The following MBOAT2 variants were observed in gnomAD, a reference collection of about 807,000 sequenced individuals.
The protein encoded by MBOAT2 is membrane-bound glycerophospholipid O-acyltransferase 2.
A neutral mutation model predicts 63.4 loss-of-function variants in MBOAT2; 28 were observed. The observed-to-expected ratio is 0.44, with a 90% CI of 0.33 to 0.61. The LOEUF (loss-of-function observed/expected upper bound fraction) is 0.61, where lower values mean the gene tolerates loss of function less well. MBOAT2 is among the 20% of genes least tolerant of loss of function. The probability of loss-of-function intolerance (pLI) is 0.03; values close to 1 mark genes in which losing one functional copy is unlikely to be tolerated. For missense variants in MBOAT2, 470 were observed against 605.8 expected, an observed-to-expected ratio of 0.78 and a Z score of 2.35; for synonymous variants, 211 against 215.6, an observed-to-expected ratio of 0.98 and a Z score of 0.19.
chr2:8,875,213 T>C (rs1662621931), intron 7 of MBOAT2, among the ~76,000 whole-genome samples: 1 of 152,188 alleles, frequency 6.6e-6, no homozygotes, highest in African/African-American at 2.4e-5. Context: ...AAATGCCCCT[T>C]GAGGGACTTA....
At chr2:8,976,205 A>C (rs954584232) in intron 1 of MBOAT2, among the ~76,000 whole-genome samples, 2 of 152,154 alleles carry the variant, frequency 1.3e-5, no homozygotes, top group African/African-American at 4.8e-5. Flanking sequence ...GCATGGAAAC[A>C]GAAGCAGAAA....
chr2:8,883,212 T>G (rs1056859372), intron 5 of MBOAT2, among the ~76,000 whole-genome samples: 10 of 152,080 alleles, frequency 6.6e-5, no homozygotes, highest in Non-Finnish European at 1.5e-4. Flanking sequence ...AGTAAAGTAG[T>G]AATATTCCCC....
intron 3 of MBOAT2, among the ~76,000 whole-genome samples, chr2:8,938,405 C>A (rs1307627212): frequency 1.3e-5 from 2 of 152,138 alleles, no homozygotes; most frequent in Admixed American, 1.3e-4. Context: ...TACACACTCA[C>A]ACCTCACCAC....
intron 1 of MBOAT2, among the ~76,000 whole-genome samples, chr2:8,982,835 A>C (rs1671294699): frequency 6.6e-6 from 1 of 152,192 alleles, no homozygotes; most frequent in African/African-American, 2.4e-5. Context: ...TTCCTTCCTC[A>C]TCAGAACACA....
chr2:8,924,402 T>C (rs574755436), intron 3 of MBOAT2, among the ~76,000 whole-genome samples: 1 of 152,280 alleles, frequency 6.6e-6, no homozygotes, highest in East Asian at 1.9e-4. Context: ...CAATAAAAAC[T>C]CTGCTGTTCT....
rs1283438749 is a variant in MBOAT2 at position 8,979,308 on chromosome 2, T to A, written c.76-20666A>T. On this transcript the variant is annotated intron_variant, in intron 1 of 12. Transcript: ENST00000305997. Reference sequence around the variant, plus strand: ...ACCAATAATCACTTACATAATACACTATCTAAATGAACCAATTTAGGCATT... The same window carrying A: ...ACCAATAATCACTTACATAATACACAATCTAAATGAACCAATTTAGGCATT... Among the ~76,000 whole-genome samples the A allele has an allele frequency of 6.6e-5, 10 of 152,210 alleles. No homozygotes were observed. The East Asian group carries it at 1.9e-3, about 29-fold the overall frequency.
intron 1 of MBOAT2, among the ~76,000 whole-genome samples, chr2:8,975,467 T>C (rs1232213972): frequency 6.6e-6 from 1 of 152,090 alleles, no homozygotes; most frequent in Non-Finnish European, 1.5e-5. Flanking sequence ...CCTGGCTCTA[T>C]CTGTGCCTTT....
intron 4 of MBOAT2, among the ~76,000 whole-genome samples, chr2:8,904,163 C>T (rs540416874): frequency 2.6e-5 from 4 of 151,898 alleles, no homozygotes; most frequent in East Asian, 3.9e-4. Flanking sequence ...TTAGTAGAGA[C>T]GAGTTTTGCC....
intron 1 of MBOAT2, among the ~76,000 whole-genome samples, chr2:8,998,109 T>C (rs184767151): frequency 6.6e-6 from 1 of 152,334 alleles, no homozygotes; most frequent in Non-Finnish European, 1.5e-5. Context: ...TCATGGAATT[T>C]TAAAACTAAG....
Position 8,862,418 on chromosome 2 carries a change from C to A in MBOAT2, c.1185+172G>T. 1 of 1,328,452 alleles carries A rather than the reference C, an allele frequency of 7.5e-7. No individual in the cohort carries two copies. Among genetic ancestry groups the A allele is most frequent in the Non-Finnish European group, 1.0e-6 (1 of 979,658 alleles). The allele number at this position is 1,328,452 out of a possible 1,614,324, so 82.3% of individuals were successfully genotyped here. On this transcript the variant is annotated intron_variant, in intron 11 of 12. Coordinates refer to ENST00000305997, the MANE Select transcript of MBOAT2 (RefSeq NM_138799.4). The surrounding 1 kb of genome is among the most constrained non-coding windows in gnomAD (Gnocchi z 4.3). ...ACAGGAACTGGGCATGGAGCCTAGC[C>A]CGTGGTGAGCGCTCAGCAAACATGC...
intron 1 of MBOAT2, among the ~76,000 whole-genome samples, chr2:8,997,356 T>A (rs1172664898): frequency 6.6e-6 from 1 of 152,072 alleles, no homozygotes; most frequent in Non-Finnish European, 1.5e-5. Context: ...ACAGAGGCAG[T>A]AACAACATAG....
chr2:8,991,312 A>T (rs1207282396), intron 1 of MBOAT2, among the ~76,000 whole-genome samples: 1 of 152,208 alleles, frequency 6.6e-6, no homozygotes, highest in East Asian at 1.9e-4. Flanking sequence ...TAGCCTTGAC[A>T]ATGTAAACCA....
intron 5 of MBOAT2, among the ~76,000 whole-genome samples, chr2:8,884,402 TA>T (rs1269546135): frequency 2.0e-5 from 3 of 151,352 alleles, no homozygotes; most frequent in Non-Finnish European, 4.4e-5. Flanking sequence ...TATCAGGATT[TA>T]AACCCCAAAA....
rs1245916996 is a variant in MBOAT2, at chr2:8,854,877, C to G, written c.*3802G>C. 3.3e-5 allele frequency: 5 copies of G among 152,126 alleles called. No homozygotes were observed. The highest frequency in any genetic ancestry group is 1.9e-4 in the East Asian group (1 of 5,198). 9.4% of individuals were successfully genotyped at this position (152,126 alleles called of 1,614,324 possible). Reference sequence around the variant, plus strand: ...ATATGCTTTAAATATCCTTGAATAACTTTGAGATGTTATATAGTGGTAAAC... The same window carrying G: ...ATATGCTTTAAATATCCTTGAATAAGTTTGAGATGTTATATAGTGGTAAAC... On this transcript the variant is annotated 3_prime_UTR_variant, in exon 13 of 13. Transcript: ENST00000305997.
rs1321526179 is a variant in MBOAT2, at chr2:8,855,726, ACT to A, written c.*2951_*2952del. 3 of 152,112 alleles carry A rather than the reference ACT, an allele frequency of 2.0e-5. No homozygotes were observed. The highest frequency in any genetic ancestry group is 4.4e-5 in the Non-Finnish European group (3 of 68,034). 9.4% of individuals were successfully genotyped at this position (152,112 alleles called of 1,614,324 possible). Reference sequence around the variant, plus strand: ...TGACAGCTGAGGCATACCAAATTATACTCTTACTGTTTCAAGAAAATGAAATT... The same window carrying A: ...TGACAGCTGAGGCATACCAAATTATACTTACTGTTTCAAGAAAATGAAATT... On this transcript the variant is annotated 3_prime_UTR_variant, in exon 13 of 13. Coordinates refer to ENST00000305997, the MANE Select transcript of MBOAT2 (RefSeq NM_138799.4).
chr2:8,988,546 C>T (rs144786502), intron 1 of MBOAT2, among the ~76,000 whole-genome samples: 64 of 152,164 alleles, frequency 4.2e-4, no homozygotes, highest in African/African-American at 1.5e-3. Flanking sequence ...CATTATATGA[C>T]AACTTTTGAA....
At chr2:8,928,481 T>C (rs895730041) in intron 3 of MBOAT2, among the ~76,000 whole-genome samples, 6 of 152,146 alleles carry the variant, frequency 3.9e-5, no homozygotes, top group Admixed American at 1.3e-4. Flanking sequence ...AGAGCAGCTG[T>C]TCTTAAATTT....
intron 2 of MBOAT2, among the ~76,000 whole-genome samples, chr2:8,957,755 G>A (rs549533736): frequency 2.6e-5 from 4 of 152,306 alleles, no homozygotes; most frequent in African/African-American, 7.2e-5. Flanking sequence ...AAGTGCTCAC[G>A]TAAGAAAGCA....
chr2:8,944,605 A>C (rs142207684), intron 2 of MBOAT2, among the ~76,000 whole-genome samples: 372 of 151,788 alleles, frequency 2.5e-3, no homozygotes, highest in African/African-American at 8.8e-3. Context: ...GGAGAAACTT[A>C]TTTGACCCAC....
Sources: allele counts gnomAD v4.1 joint callset (sites outside exome capture counted in the v4.1 genomes callset), GRCh38; gene constraint gnomAD v4.1.1; non-coding constraint Gnocchi (gnomAD v3.1); transcripts MANE v1.5; gene names NCBI Gene and HGNC (gene_info 2026-07-23, HGNC 2026-07-21).